The following WDR36 variants were observed in gnomAD, a reference collection of about 807,000 sequenced individuals.
WDR36 encodes WD repeat domain 36.
In WDR36, 63 loss-of-function variants were observed where a neutral mutation model predicts 112.7. The observed-to-expected ratio is 0.56, with a 90% CI of 0.46 to 0.69. The LOEUF (loss-of-function observed/expected upper bound fraction) is 0.69, where lower values mean the gene tolerates loss of function less well. Among genes scored for constraint, WDR36 ranks in the 30% least tolerant of loss-of-function variants. The pLI, the probability that WDR36 is intolerant of heterozygous loss-of-function variation, is 0.00. For missense variants in WDR36, 1,226 were observed against 1,070.3 expected (o/e 1.15, Z -2.03); for synonymous variants, 410 against 362.2 (o/e 1.13, Z -1.50).
rs372737092 is a variant in WDR36, at chr5:111,124,135, G to A, written c.2296G>A (p.Ala766Thr). The change falls in exon 21 of 23, where the codon GCT becomes ACT. Residue 766 changes from alanine (A) to threonine (T), a missense_variant. Coordinates refer to ENST00000513710, the MANE Select transcript of WDR36 (RefSeq NM_139281.3). ...QSKVVNLGVL[A>T]QKSDFCLKLE... ...TAAAGTGGTAAATCTTGGAGTTTTGGCTCAAAAATCAGATTTCTGCTTGAA... is the reference window on the plus strand; with the variant it reads ...TAAAGTGGTAAATCTTGGAGTTTTGACTCAAAAATCAGATTTCTGCTTGAA... The A allele has an allele frequency of 1.2e-6, 2 of 1,612,790 alleles. No individual in the cohort carries two copies. Among genetic ancestry groups the A allele is most frequent in the Non-Finnish European group, 1.7e-6 (2 of 1,179,518 alleles).
intron 4 of WDR36, among the ~76,000 whole-genome samples, chr5:111,100,107 A>G (rs939509428): frequency 6.6e-6 from 1 of 151,554 alleles, no homozygotes; most frequent in Non-Finnish European, 1.5e-5. Flanking sequence ...AATGTGTGAG[A>G]AGTACTCTTA....
chr5:111,102,287 A>G (rs1444800690), intron 5 of WDR36, 58 bp from the exon 6 acceptor site: 10 of 1,320,310 alleles, frequency 7.6e-6, no homozygotes, highest in Non-Finnish European at 1.1e-5. Flanking sequence ...TGTGTAGCTG[A>G]TATTGTTTTC....
intron 2 of WDR36, chr5:111,095,325 TGTTA>T (rs1211003968): frequency 5.0e-6 from 1 of 199,842 alleles, no homozygotes; most frequent in East Asian, 1.2e-4. Flanking sequence ...AGGCACATGC[TGTTA>T]GTTGGTTCTG....
At chr5:111,111,105 A>G (rs1361275718) in intron 14 of WDR36, 65 bp from the exon 15 acceptor site, 3 of 1,567,488 alleles carry the variant, frequency 1.9e-6, no homozygotes, top group African/African-American at 2.7e-5. Flanking sequence ...ACAAAATTCA[A>G]GTGGAGGTGA....
At chr5:111,108,099 A>G (rs922175409) in intron 12 of WDR36, among the ~76,000 whole-genome samples, 1 of 151,392 alleles carries the variant, frequency 6.6e-6, no homozygotes, top group African/African-American at 2.4e-5. Context: ...ATCTATGAAC[A>G]TGGGGTGTTT....
Position 111,121,047 on chromosome 5 carries a change from A to G in WDR36, c.2054A>G (p.Tyr685Cys), listed in dbSNP as rs201905652. ...GAACCAAGTGATGAATTGATAGAAT[A>G]TGATTCGCCAGAACAGTTGAATGAG... ...TVEPSDELIE[Y>C]DSPEQLNEQL... The change falls in exon 19 of 23, where the codon TAT becomes TGT. Residue 685 changes from tyrosine (Y) to cysteine (C), a missense_variant. Coordinates refer to ENST00000513710, the MANE Select transcript of WDR36 (RefSeq NM_139281.3). 31 of 1,613,614 alleles carry G rather than the reference A, an allele frequency of 1.9e-5. No individual in the cohort carries two copies. The African/African-American group carries it at 3.5e-4, about 18-fold the overall frequency.
At chr5:111,100,419 T>C (rs1753099621) in intron 4 of WDR36, among the ~76,000 whole-genome samples, 170 bp from the exon 5 acceptor site, 1 of 152,004 alleles carries the variant, frequency 6.6e-6, no homozygotes, top group Non-Finnish European at 1.5e-5. Context: ...AAGTTGCCTC[T>C]CATTTATTTT....
In WDR36 at chr5:111,092,511, G is replaced by C. The variant is rs369810645; in HGVS notation, c.55G>C (p.Ala19Pro). Residue 19 changes from alanine (A) to proline (P), a missense_variant, in exon 1 of 23, where the codon GCC becomes CCC. Ala to Pro is a conservative substitution (Grantham distance 27). Transcript: ENST00000513710. Reference protein sequence around the residue: ...TASALFAGFRALGLFSNDIPH... With the variant: ...TASALFAGFRPLGLFSNDIPH... ...CAGCGCGCTTTTTGCGGGGTTCCGG[G>C]CCTTGGGACTTTTCAGCAACGACAT... The C allele has an allele frequency of 1.7e-5, 28 of 1,614,098 alleles. No homozygotes were observed. In the African/African-American group the frequency reaches 2.8e-4, roughly 16 times the overall value.
At chr5:111,125,560 A>T in intron 21 of WDR36, 48 bp from the exon 22 acceptor site, 1 of 1,559,528 alleles carries the variant, frequency 6.4e-7, no homozygotes, top group Non-Finnish European at 8.7e-7. Flanking sequence ...TAATTTTCTA[A>T]GTTAAATGAT....
At chr5:111,123,539 A>T (rs564763732) in intron 19 of WDR36, among the ~76,000 whole-genome samples, 6 of 152,180 alleles carry the variant, frequency 3.9e-5, no homozygotes, top group Non-Finnish European at 8.8e-5. Context: ...CAGGAAAATG[A>T]GCTGTGTTTG....
Position 111,127,918 on chromosome 5 carries a change from G to GTT in WDR36, c.*1038_*1039dup. 2 of 175,318 alleles carry GTT rather than the reference G, an allele frequency of 1.1e-5. No individual in the cohort carries two copies. Among genetic ancestry groups the GTT allele is most frequent in the East Asian group, 1.8e-4 (2 of 10,942 alleles). The allele number at this position is 175,318 out of a possible 1,614,324, so 10.9% of individuals were successfully genotyped here. A position where few individuals can be genotyped will look rare whatever the true frequency, so the allele number is the denominator to read the frequency against. On this transcript the variant is annotated 3_prime_UTR_variant, in exon 23 of 23. Coordinates refer to ENST00000513710, the MANE Select transcript of WDR36 (RefSeq NM_139281.3). The stretch of plus-strand genomic sequence containing the variant: ...GCCAGGGTTTTTTTTATTTTGTTTT[G>GTT]TTTTGTTTTTTTTTTTTTTTTTTTG...
chr5:111,102,132 A>G (rs1054510988), intron 5 of WDR36, among the ~76,000 whole-genome samples: 5 of 150,368 alleles, frequency 3.3e-5, no homozygotes, highest in African/African-American at 9.7e-5. Flanking sequence ...TTTCTTAATG[A>G]GGTGGCATAG....
At chr5:111,115,836 G>A (rs1426813797) in intron 16 of WDR36, among the ~76,000 whole-genome samples, 1 of 152,088 alleles carries the variant, frequency 6.6e-6, no homozygotes, top group African/African-American at 2.4e-5. Context: ...AAAATTTTCA[G>A]AGGAGCAAAG....
At chr5:111,125,461 TCTA>T (rs1753661144) in intron 21 of WDR36, 144 bp from the exon 22 acceptor site, 1 of 775,298 alleles carries the variant, frequency 1.3e-6, no homozygotes, top group Admixed American at 2.8e-5. Context: ...TGGGTTTCAT[TCTA>T]CTACATAATA....
Position 111,127,923 on chromosome 5 carries a change from G to GTT in WDR36, c.*1058_*1059dup, listed in dbSNP as rs1174312563. On this transcript the variant is annotated 3_prime_UTR_variant, in exon 23 of 23. Coordinates refer to ENST00000513710, the MANE Select transcript of WDR36 (RefSeq NM_139281.3). ...GGTTTTTTTTATTTTGTTTTGTTTT[G>GTT]TTTTTTTTTTTTTTTTTTTGGCTAC... 2.8e-4 allele frequency: 39 copies of GTT among 139,244 alleles called. No individual in the cohort carries two copies. The East Asian group carries it at 3.1e-3, about 11-fold the overall frequency. The allele number at this position is 139,244 out of a possible 1,614,324, so 8.6% of individuals were successfully genotyped here. A position where few individuals can be genotyped will look rare whatever the true frequency, so the allele number is the denominator to read the frequency against.
chr5:111,128,238 AAG>A lies in WDR36; in HGVS notation c.*1360_*1361del, dbSNP rs1257498170. The A allele has an allele frequency of 3.2e-5, 6 of 188,640 alleles. No homozygotes were observed. Among genetic ancestry groups the A allele is most frequent in the African/African-American group, 1.2e-4 (5 of 42,872 alleles). The allele number at this position is 188,640 out of a possible 1,614,324, so 11.7% of individuals were successfully genotyped here. A position where few individuals can be genotyped will look rare whatever the true frequency, so the allele number is the denominator to read the frequency against. The stretch of plus-strand genomic sequence containing the variant: ...TAGCATTCTCGTTCGTTGTTAGGGT[AAG>A]AGAGTTTTGTAGAATGATCTCCAAA... On this transcript the variant is annotated 3_prime_UTR_variant, in exon 23 of 23. Coordinates refer to ENST00000513710, the MANE Select transcript of WDR36 (RefSeq NM_139281.3).
At chr5:111,109,733 C>G (rs1421838424) in intron 12 of WDR36, among the ~76,000 whole-genome samples, 1 of 151,292 alleles carries the variant, frequency 6.6e-6, no homozygotes, top group African/African-American at 2.4e-5. Context: ...CCTAATATGT[C>G]ATAATTAAAA....
intron 21 of WDR36, among the ~76,000 whole-genome samples, chr5:111,124,661 A>G (rs138295901): frequency 8.1e-4 from 123 of 152,288 alleles, no homozygotes; most frequent in African/African-American, 2.7e-3. Flanking sequence ...ATATATTTAA[A>G]TTTCGAAGGC....
intron 21 of WDR36, among the ~76,000 whole-genome samples, chr5:111,125,347 TTTTC>T (rs1455745392): frequency 6.6e-6 from 1 of 152,184 alleles, no homozygotes; most frequent in Non-Finnish European, 1.5e-5. Context: ...AGGCATTAGA[TTTTC>T]TTTATTAACA....
Sources: gnomAD v4.1 joint callset for allele counts (sites outside exome capture counted in the v4.1 genomes callset) on GRCh38, gnomAD v4.1.1 for gene constraint, MANE v1.5 for transcripts, NCBI Gene and HGNC (gene_info 2026-07-23, HGNC 2026-07-21) for gene names.